The following FRAS1 variants were observed in gnomAD, a reference collection of about 807,000 sequenced individuals.
FRAS1 encodes the protein extracellular matrix organizing protein FRAS1.
In FRAS1, 290 loss-of-function variants were observed where a neutral mutation model predicts 435.2. The observed-to-expected ratio is 0.67, with a 90% CI of 0.61 to 0.73. FRAS1 has a LOEUF of 0.73. Ranked by LOEUF, FRAS1 falls within the 30% of genes least tolerant of loss-of-function variation. The pLI is 0.00. For synonymous variants in FRAS1, 1,800 were observed against 1,851.0 expected (o/e 0.97, Z 0.71); for missense variants, 4,860 against 5,001.5 (o/e 0.97, Z 0.85).
At chr4:78,113,241 GGTTA>G (rs1318278566) in intron 2 of FRAS1, among the ~76,000 whole-genome samples, 1 of 152,120 alleles carries the variant, frequency 6.6e-6, no homozygotes, top group African/African-American at 2.4e-5. Context: ...TGGACATTTG[GGTTA>G]GTTCCAAGTC....
chr4:78,198,529 G>T (rs1257829466), intron 2 of FRAS1, among the ~76,000 whole-genome samples: 2 of 151,868 alleles, frequency 1.3e-5, no homozygotes, highest in East Asian at 3.9e-4. Context: ...GAACTTGATA[G>T]GTCAGCATTC....
At chr4:78,476,446 G>A (rs1305272308) in intron 54 of FRAS1, among the ~76,000 whole-genome samples, 1 of 152,162 alleles carries the variant, frequency 6.6e-6, no homozygotes, top group Non-Finnish European at 1.5e-5. Context: ...CATCTTTTAT[G>A]GAGGGCACAA....
At position 78,543,091 on chromosome 4, in the gene FRAS1, T is replaced by A. The variant is rs1221117980; in HGVS notation, c.*1967T>A. ...GTTTTCAGGAGAGAATGAGTTGGGG[T>A]GAGCCCAGAGTCTGAAACTCCTGAC... On this transcript the variant is annotated 3_prime_UTR_variant, in exon 74 of 74. Coordinates refer to ENST00000512123, the MANE Select transcript of FRAS1 (RefSeq NM_025074.7). 6.6e-6 allele frequency: 1 copy of A among 152,150 alleles called. No individual in the cohort carries two copies. Among genetic ancestry groups the A allele is most frequent in the Non-Finnish European group, 1.5e-5 (1 of 68,020 alleles). The allele number at this position is 152,150 out of a possible 1,614,324, so 9.4% of individuals were successfully genotyped here.
At chr4:78,179,091 G>T (rs1363720020) in intron 2 of FRAS1, among the ~76,000 whole-genome samples, 1 of 152,160 alleles carries the variant, frequency 6.6e-6, no homozygotes, top group Non-Finnish European at 1.5e-5. Context: ...AAGTGTATAG[G>T]AACACAGAGA....
chr4:78,534,965 G>A (rs1721836466), intron 71 of FRAS1, among the ~76,000 whole-genome samples: 1 of 152,172 alleles, frequency 6.6e-6, no homozygotes, highest in South Asian at 2.1e-4. Context: ...TCAAAACGAT[G>A]CCAAACATGT....
intron 2 of FRAS1, among the ~76,000 whole-genome samples, chr4:78,166,776 A>C (rs1721348562): frequency 6.6e-6 from 1 of 152,056 alleles, no homozygotes; most frequent in South Asian, 2.1e-4. Context: ...CATTTGACCA[A>C]GTTCCCTCTA....
intron 60 of FRAS1, 88 bp from the exon 61 acceptor site, chr4:78,499,633 C>T (rs4975134): frequency 0.46 from 575,205 of 1,249,780 alleles, 138,014 homozygotes; most frequent in East Asian, 0.71. Context: ...GAACAATTTC[C>T]TCTTGTCATT....
At chr4:78,066,337 C>T (rs1324583707) in intron 2 of FRAS1, among the ~76,000 whole-genome samples, 3 of 152,104 alleles carry the variant, frequency 2.0e-5, no homozygotes, top group African/African-American at 4.8e-5. Flanking sequence ...CAAACTGAAA[C>T]ACAATTTTTT....
intron 2 of FRAS1, among the ~76,000 whole-genome samples, chr4:78,200,207 C>A (rs946531218): frequency 6.6e-6 from 1 of 152,146 alleles, no homozygotes; most frequent in South Asian, 2.1e-4. Context: ...CTTGTCAGAA[C>A]CTTATTTTTG....
intron 41 of FRAS1, among the ~76,000 whole-genome samples, chr4:78,442,009 C>T (rs555110365): frequency 3.9e-5 from 6 of 152,346 alleles, no homozygotes; most frequent in East Asian, 3.9e-4. Context: ...TTTCCCTGCA[C>T]GGAGCTGCCT....
chr4:78,358,328 G>T (rs551716434), intron 20 of FRAS1, among the ~76,000 whole-genome samples: 1 of 152,234 alleles, frequency 6.6e-6, no homozygotes, highest in South Asian at 2.1e-4. Context: ...ATTTCTTAGT[G>T]CTGGTAAAAT....
At chr4:78,133,071 C>T (rs1420238162) in intron 2 of FRAS1, among the ~76,000 whole-genome samples, 2 of 151,988 alleles carry the variant, frequency 1.3e-5, no homozygotes, top group Non-Finnish European at 2.9e-5. Context: ...CGAGACTCTG[C>T]CTCAAAAAAG....
Position 78,418,929 on chromosome 4 carries a change from CCTT to C in FRAS1, c.4426-16_4426-14del, listed in dbSNP as rs1560716090. On this transcript the variant is annotated splice_polypyrimidine_tract_variant and intron_variant, in intron 32 of 73. Coordinates refer to ENST00000512123, the MANE Select transcript of FRAS1 (RefSeq NM_025074.7). Reference sequence around the variant, plus strand: ...GTTTTTCATACCATGTGTTCCTCTTCCTTCTTAAACTTTGTTTAGGCTAGAGAA... The same window carrying C: ...GTTTTTCATACCATGTGTTCCTCTTCCTTAAACTTTGTTTAGGCTAGAGAA... 1.4e-6 allele frequency: 2 copies of C among 1,441,358 alleles called. No homozygotes were observed. The allele number at this position is 1,441,358 out of a possible 1,614,324, so 89.3% of individuals were successfully genotyped here.
chr4:78,097,856 G>A (rs951609894), intron 2 of FRAS1, among the ~76,000 whole-genome samples: 3 of 152,074 alleles, frequency 2.0e-5, no homozygotes, highest in Non-Finnish European at 4.4e-5. Context: ...AGATAATTAA[G>A]GTAAAATGAG....
chr4:78,085,726 T>G (rs998853648), intron 2 of FRAS1, among the ~76,000 whole-genome samples: 1 of 152,170 alleles, frequency 6.6e-6, no homozygotes, highest in Non-Finnish European at 1.5e-5. Flanking sequence ...ACGAGCCAAC[T>G]ATCCTAAATA....
intron 6 of FRAS1, among the ~76,000 whole-genome samples, chr4:78,258,662 T>A (rs1456035603): frequency 4.0e-5 from 6 of 148,882 alleles, no homozygotes; most frequent in African/African-American, 1.5e-4. Context: ...TTTTATTTTT[T>A]TCATCCTTTT....
intron 22 of FRAS1, among the ~76,000 whole-genome samples, chr4:78,366,235 G>C (rs1731262488): frequency 6.6e-6 from 1 of 152,148 alleles, no homozygotes; most frequent in Admixed American, 6.5e-5. Flanking sequence ...TTAAAAAAGA[G>C]ATGATATGTA....
At chr4:78,523,147 T>C (rs1721439482) in intron 69 of FRAS1, among the ~76,000 whole-genome samples, 1 of 152,048 alleles carries the variant, frequency 6.6e-6, no homozygotes, top group African/African-American at 2.4e-5. Context: ...AAGAAACAAA[T>C]CTTGCTCAGA....
At chr4:78,229,881 G>T (rs145896656) in intron 2 of FRAS1, among the ~76,000 whole-genome samples, 1 of 152,268 alleles carries the variant, frequency 6.6e-6, no homozygotes, top group East Asian at 1.9e-4. Flanking sequence ...GTACCATCAT[G>T]AGTATGTGGA....
Sources: gnomAD v4.1 joint callset for allele counts (sites outside exome capture counted in the v4.1 genomes callset) on GRCh38, gnomAD v4.1.1 for gene constraint, MANE v1.5 for transcripts, NCBI Gene and HGNC (gene_info 2026-07-23, HGNC 2026-07-21) for gene names.